The following OVOL1 variants were observed in gnomAD, a reference collection of about 807,000 sequenced individuals.
The protein encoded by OVOL1 is putative transcription factor Ovo-like 1.
OVOL1 carries 10 observed loss-of-function variants against 21.5 expected under a neutral mutation model. That is an observed-to-expected ratio of 0.46 (90% CI 0.29 to 0.79). OVOL1 has a LOEUF of 0.79. OVOL1 is among the 30% of genes least tolerant of loss of function. The pLI, the probability that OVOL1 is intolerant of heterozygous loss-of-function variation, is 0.10. For synonymous variants in OVOL1, 129 were observed against 150.3 expected (o/e 0.86, Z 1.03); for missense variants, 279 against 362.3 (o/e 0.77, Z 1.87).
chr11:65,794,879 G>A, intron 3 of OVOL1, 152 bp downstream of exon 3: 2 of 1,008,062 alleles, frequency 2.0e-6, no homozygotes, highest in Non-Finnish European at 2.9e-6. Context: ...GAGCTCATCA[G>A]TTAGGAGTTT....
In OVOL1 at chr11:65,794,040, G is replaced by T; in HGVS notation, c.110G>T (p.Gly37Val). The change falls in exon 2 of 4, where the codon GGC becomes GTC. Residue 37 changes from glycine to valine, a missense_variant. By Grantham distance (109) the Gly-to-Val change is moderately radical (BLOSUM62 -3). Transcript: ENST00000335987. ...TCTGTTCTCTCCCCAGTCAGCCTGG[G>T]CTTCTGCCCACCACAGCCCTACCGG... ...RGEIYVPVSL[G>V]FCPPQPYREP... is the part of the protein sequence containing the mutation. 1.2e-6 allele frequency: 2 copies of T among 1,613,780 alleles called. No homozygotes were observed. Among genetic ancestry groups the T allele is most frequent in the Non-Finnish European group, 1.7e-6 (2 of 1,179,892 alleles).
chr11:65,792,503 G>A (rs542768094), intron 1 of OVOL1: 10 of 152,402 alleles, frequency 6.6e-5, no homozygotes, highest in African/African-American at 2.4e-4. Flanking sequence ...CAGCCCTGTG[G>A]GCACAGACAG....
intron 1 of OVOL1, chr11:65,791,009 G>A (rs1240534022): frequency 2.0e-5 from 3 of 152,678 alleles, no homozygotes; most frequent in African/African-American, 7.2e-5. Context: ...GCTGGGTGGG[G>A]GCTGCAACAG....
intron 1 of OVOL1, among the ~76,000 whole-genome samples, chr11:65,787,862 A>C (rs1456140392): frequency 6.6e-6 from 1 of 151,896 alleles, no homozygotes; most frequent in African/African-American, 2.4e-5. Flanking sequence ...GGGAGAAGGC[A>C]CTGGAGCGAT....
intron 1 of OVOL1, chr11:65,789,076 G>A: frequency 1.0e-6 from 1 of 985,250 alleles, no homozygotes; most frequent in Non-Finnish European, 1.2e-6. Context: ...CCCTGAGCCA[G>A]GCTCAGTGTG....
At position 65,787,221 on chromosome 11, in the gene OVOL1, C is replaced by G. The variant is rs1299145082; in HGVS notation, c.-153C>G. ...GGAGGTGGAACCGCCGCGCGCCGTC[C>G]GGGCTCGGACCTTCCCCGGAACGTG... On this transcript the variant is annotated 5_prime_UTR_variant, in exon 1 of 4. Transcript: ENST00000335987. 1 of 536,054 alleles carries G rather than the reference C, an allele frequency of 1.9e-6. No homozygotes were observed. The highest frequency in any genetic ancestry group is 4.0e-5 in the East Asian group (1 of 25,186). The allele number at this position is 536,054 out of a possible 1,614,324, so 33.2% of individuals were successfully genotyped here. A position where few individuals can be genotyped will look rare whatever the true frequency, so the allele number is the denominator to read the frequency against.
At chr11:65,791,950 A>G (rs1008918511) in intron 1 of OVOL1, among the ~76,000 whole-genome samples, 2 of 152,240 alleles carry the variant, frequency 1.3e-5, no homozygotes, top group African/African-American at 4.8e-5. Context: ...GTGGCCGCAG[A>G]AGGGACACGC....
chr11:65,788,759 G>C (rs1857952394), intron 1 of OVOL1: 1 of 985,346 alleles, frequency 1.0e-6, no homozygotes, highest in South Asian at 4.7e-5. Context: ...CTTAAAACAA[G>C]GGAATGTGCC....
rs565863217 is a variant in OVOL1, at chr11:65,793,812, G to C, written c.101-219G>C. 2.2e-5 allele frequency: 13 copies of C among 590,740 alleles called. No homozygotes were observed. In the African/African-American group the frequency reaches 2.2e-4, roughly 10 times the overall value. 36.6% of individuals were successfully genotyped at this position (590,740 alleles called of 1,614,324 possible). ...GTTCCGCTAAGACACAAATTACTCAGCGGGCAGTGGCGCTTGGCTGGCATC... is the reference window on the plus strand; with the variant it reads ...GTTCCGCTAAGACACAAATTACTCACCGGGCAGTGGCGCTTGGCTGGCATC... On this transcript the variant is annotated intron_variant, in intron 1 of 3. Transcript: ENST00000335987.
chr11:65,789,593 C>T (rs1015887664), intron 1 of OVOL1: 86 of 857,536 alleles, frequency 1.0e-4, no homozygotes, highest in Non-Finnish European at 1.2e-4. Flanking sequence ...AGTGGGGGTG[C>T]GTTTTGTGCT....
chr11:65,790,867 A>AG (rs1359061712), intron 1 of OVOL1: 2 of 152,548 alleles, frequency 1.3e-5, no homozygotes, highest in East Asian at 3.9e-4. Flanking sequence ...AGAACAGGTG[A>AG]GGGCGAGTCC....
intron 1 of OVOL1, among the ~76,000 whole-genome samples, chr11:65,791,201 C>T (rs972805207): frequency 2.0e-5 from 3 of 152,206 alleles, no homozygotes; most frequent in African/African-American, 7.2e-5. Context: ...CATGCGTTAC[C>T]GGGCCGGCCT....
At position 65,787,440 on chromosome 11, in the gene OVOL1, C is replaced by T; in HGVS notation, c.67C>T (p.Pro23Ser). 6.3e-7 allele frequency: 1 copy of T among 1,590,178 alleles called. No homozygotes were observed. Among genetic ancestry groups the T allele is most frequent in the Non-Finnish European group, 8.6e-7 (1 of 1,168,786 alleles). The change falls in exon 1 of 4, where the codon CCC (proline) becomes TCC (serine). Residue 23 changes from proline (P) to serine (S), a missense_variant. Pro to Ser is a moderately conservative substitution (Grantham distance 74). Coordinates refer to ENST00000335987, the MANE Select transcript of OVOL1 (RefSeq NM_004561.4). ...STCKRNWSELPDEERGEIYVP... is the reference protein window; with the variant it reads ...STCKRNWSELSDEERGEIYVP... Reference sequence around the variant, plus strand: ...GTGCAAGAGGAACTGGAGCGAGCTCCCCGACGAGGAGCGCGGCGAGATCTA... The same window carrying T: ...GTGCAAGAGGAACTGGAGCGAGCTCTCCGACGAGGAGCGCGGCGAGATCTA...
chr11:65,788,826 T>C, intron 1 of OVOL1: 1 of 985,464 alleles, frequency 1.0e-6, no homozygotes, highest in Admixed American at 6.1e-5. Context: ...GTGAGTGGCC[T>C]CCCCACCTGA....
chr11:65,787,756 G>A (rs891570991), intron 1 of OVOL1, among the ~76,000 whole-genome samples: 1 of 152,226 alleles, frequency 6.6e-6, no homozygotes, highest in African/African-American at 2.4e-5. Flanking sequence ...CCCACCCCCT[G>A]AACCGCGGCA....
chr11:65,794,166 T>A lies in OVOL1; in HGVS notation c.236T>A (p.Val79Glu). Residue 79 changes from valine to glutamate, a missense_variant, in exon 2 of 4, where the codon GTG becomes GAG. By Grantham distance (121) the Val-to-Glu change is moderately radical. Coordinates refer to ENST00000335987, the MANE Select transcript of OVOL1 (RefSeq NM_004561.4). ...AGCATGGCCCCCGGGCCCTGTGTGG[T>A]GGCCCAGCTGCCCTCTGAAGACATG... ...SYSMAPGPCV[V>E]AQLPSEDMGH... 3 of 1,613,688 alleles carry A rather than the reference T, an allele frequency of 1.9e-6. No homozygotes were observed. Among genetic ancestry groups the A allele is most frequent in the Non-Finnish European group, 2.5e-6 (3 of 1,180,002 alleles).
At chr11:65,789,738 G>C (rs1331095892) in intron 1 of OVOL1, 1 of 980,184 alleles carries the variant, frequency 1.0e-6, no homozygotes, top group African/African-American at 1.8e-5. Flanking sequence ...CCAGTGGAGG[G>C]CCCAGGAATG....
chr11:65,788,580 G>A, intron 1 of OVOL1: 2 of 985,106 alleles, frequency 2.0e-6, no homozygotes, highest in Non-Finnish European at 2.4e-6. Flanking sequence ...GGGCAGCAGT[G>A]AGGGGCCCCG....
intron 1 of OVOL1, chr11:65,788,764 T>A: frequency 1.0e-6 from 1 of 985,454 alleles, no homozygotes; most frequent in Non-Finnish European, 1.2e-6. Flanking sequence ...AACAAGGGAA[T>A]GTGCCAGAAG....
Sources: allele counts gnomAD v4.1 joint callset (sites outside exome capture counted in the v4.1 genomes callset), GRCh38; gene constraint gnomAD v4.1.1; transcripts MANE v1.5; gene names NCBI Gene and HGNC (gene_info 2026-07-23, HGNC 2026-07-21).